Variants in GSK3B observed in about 807,000 individuals in gnomAD.
GSK3B encodes the protein glycogen synthase kinase-3 beta.
A neutral mutation model predicts 56.4 loss-of-function variants in GSK3B; 15 were observed. The observed-to-expected ratio is 0.27, with a 90% CI of 0.18 to 0.41. GSK3B has a LOEUF of 0.41. Ranked by LOEUF, GSK3B falls within the 10% of genes least tolerant of loss-of-function variation. The pLI is 1.00. For missense variants in GSK3B, 300 were observed against 513.4 expected (o/e 0.58, Z 4.02); for synonymous variants, 181 against 188.9 (o/e 0.96, Z 0.34).
chr3:119,915,816 T>C (rs1156492857), intron 5 of GSK3B, among the ~76,000 whole-genome samples: 1 of 152,180 alleles, frequency 6.6e-6, no homozygotes, highest in East Asian at 1.9e-4. Flanking sequence ...TGTAAATATG[T>C]ATTCCTAAGG....
chr3:120,004,004 A>G (rs2057701958), intron 1 of GSK3B, among the ~76,000 whole-genome samples: 1 of 152,234 alleles, frequency 6.6e-6, no homozygotes, highest in African/African-American at 2.4e-5. Context: ...AAGGGAAGGC[A>G]TGAGTGGCTG....
chr3:119,849,791 G>A (rs2055902685), intron 9 of GSK3B, among the ~76,000 whole-genome samples: 1 of 152,062 alleles, frequency 6.6e-6, no homozygotes, highest in Non-Finnish European at 1.5e-5. Context: ...AACCTACACA[G>A]AGCCTCTCAT....
intron 2 of GSK3B, among the ~76,000 whole-genome samples, chr3:119,995,100 A>G (rs1417653500): frequency 6.6e-6 from 1 of 151,188 alleles, no homozygotes; most frequent in Non-Finnish European, 1.5e-5. Context: ...CCAAGGCAGG[A>G]GGATCACTTA....
chr3:120,006,139 A>G (rs1393916986), intron 1 of GSK3B, among the ~76,000 whole-genome samples: 1 of 152,204 alleles, frequency 6.6e-6, no homozygotes, highest in Non-Finnish European at 1.5e-5. Flanking sequence ...AATAGACTTT[A>G]AACCAACGAA....
At chr3:119,946,626 G>T (rs1254506837) in intron 3 of GSK3B, among the ~76,000 whole-genome samples, 1 of 152,156 alleles carries the variant, frequency 6.6e-6, no homozygotes, top group African/African-American at 2.4e-5. Flanking sequence ...AAAAACAGAA[G>T]AAATTTATTT....
intron 8 of GSK3B, among the ~76,000 whole-genome samples, chr3:119,870,090 T>C (rs1314456101): frequency 6.6e-6 from 1 of 152,226 alleles, no homozygotes; most frequent in Non-Finnish European, 1.5e-5. Flanking sequence ...CCTAACCTTT[T>C]CTACACCTAG....
rs191923445 is a variant in GSK3B at position 120,034,274 on chromosome 3, A to T, written c.89-32035T>A. On this transcript the variant is annotated intron_variant, in intron 1 of 10. Coordinates refer to ENST00000264235, the MANE Select transcript of GSK3B (RefSeq NM_001146156.2). ...TTGTTGCTTGTGTGCTTGGTACCAC[A>T]TCTAAGAAGCCACTGCCTACCCAAG... is the stretch of plus-strand genomic sequence containing the variant. Among the ~76,000 whole-genome samples the T allele has an allele frequency of 3.9e-4, 60 of 152,308 alleles. No individual in the cohort carries two copies. In the East Asian group the frequency reaches 7.9e-3, roughly 20 times the overall value.
At chr3:119,865,283 TA>T (rs1481298053) in intron 8 of GSK3B, among the ~76,000 whole-genome samples, 2 of 151,678 alleles carry the variant, frequency 1.3e-5, no homozygotes, top group East Asian at 3.9e-4. Flanking sequence ...TAAGTGGAAT[TA>T]AAAGTAGCAC....
intron 6 of GSK3B, among the ~76,000 whole-genome samples, chr3:119,907,224 T>C (rs1295213768): frequency 1.3e-5 from 2 of 152,128 alleles, no homozygotes; most frequent in African/African-American, 4.8e-5. Context: ...ACTCAACTTT[T>C]TTCCTCTCTA....
At chr3:120,005,010 A>G (rs1283133363) in intron 1 of GSK3B, among the ~76,000 whole-genome samples, 1 of 152,174 alleles carries the variant, frequency 6.6e-6, no homozygotes, top group African/African-American at 2.4e-5. Context: ...ACCCATTGCA[A>G]GGAAGCTAAA....
intron 1 of GSK3B, among the ~76,000 whole-genome samples, chr3:120,071,787 C>T (rs963419103): frequency 6.6e-6 from 1 of 152,164 alleles, no homozygotes; most frequent in Non-Finnish European, 1.5e-5. Flanking sequence ...AAACCATCCA[C>T]GCTCGTCCAT....
chr3:119,929,864 G>A (rs1355135111), intron 3 of GSK3B, among the ~76,000 whole-genome samples: 1 of 149,808 alleles, frequency 6.7e-6, no homozygotes, highest in Non-Finnish European at 1.5e-5. Context: ...TCACGCCATT[G>A]CACCCCAGTC....
At chr3:119,915,285 C>T (rs535629915) in intron 5 of GSK3B, among the ~76,000 whole-genome samples, 19 of 151,672 alleles carry the variant, frequency 1.3e-4, no homozygotes, top group Non-Finnish European at 2.4e-4. Flanking sequence ...TTATCTCATC[C>T]CTGAATTGAG....
chr3:120,029,305 G>A (rs373212197), intron 1 of GSK3B: 56 of 742,500 alleles, frequency 7.5e-5, no homozygotes, highest in East Asian at 5.6e-4. Context: ...TCTCTGCAGC[G>A]GACAATGATC....
chr3:119,912,579 GA>G (rs200784727), intron 6 of GSK3B, 124 bp downstream of exon 6: 377 of 452,420 alleles, frequency 8.3e-4, no homozygotes, highest in Middle Eastern at 2.2e-3. Context: ...CAAGCTTTAA[GA>G]AAAAAAACAT....
At chr3:120,058,113 C>A (rs1056453558) in intron 1 of GSK3B, among the ~76,000 whole-genome samples, 5 of 151,986 alleles carry the variant, frequency 3.3e-5, no homozygotes, top group Admixed American at 3.3e-4. Context: ...GCCAAAGATT[C>A]AATTTGGGGG....
At chr3:119,934,675 T>C (rs964345301) in intron 3 of GSK3B, among the ~76,000 whole-genome samples, 2 of 152,208 alleles carry the variant, frequency 1.3e-5, no homozygotes, top group African/African-American at 4.8e-5. Context: ...AAATGTACCA[T>C]ATTAATATCT....
chr3:120,044,328 G>GA (rs935196623), intron 1 of GSK3B, among the ~76,000 whole-genome samples: 2 of 152,162 alleles, frequency 1.3e-5, no homozygotes, highest in Non-Finnish European at 2.9e-5. Flanking sequence ...GCCCTTCCAA[G>GA]AGCTTACCCA....
intron 8 of GSK3B, among the ~76,000 whole-genome samples, chr3:119,870,150 A>T (rs2056233709): frequency 6.6e-6 from 1 of 152,142 alleles, no homozygotes; most frequent in African/African-American, 2.4e-5. Flanking sequence ...ATTATCCCTA[A>T]GTGGGGGTTC....
Sources: allele counts gnomAD v4.1 joint callset (sites outside exome capture counted in the v4.1 genomes callset), GRCh38; gene constraint gnomAD v4.1.1; transcripts MANE v1.5; gene names NCBI Gene and HGNC (gene_info 2026-07-23, HGNC 2026-07-21).